KATNBL1: variants seen among roughly 807,000 people sequenced by gnomAD.
KATNBL1 encodes the protein katanin regulatory subunit B1 like 1, also known as KATNB1-like protein 1.
In KATNBL1, 28 loss-of-function variants were observed where a neutral mutation model predicts 44.7. That is an observed-to-expected ratio of 0.63 (90% CI 0.46 to 0.86). The LOEUF is 0.86. KATNBL1 is among the 40% of genes least tolerant of loss of function. The pLI, the probability that KATNBL1 is intolerant of heterozygous loss-of-function variation, is 0.00. For synonymous variants in KATNBL1, 78 were observed against 114.9 expected (o/e 0.68, Z 2.06); for missense variants, 272 against 350.7 (o/e 0.78, Z 1.79).
intron 1 of KATNBL1, among the ~76,000 whole-genome samples, chr15:34,179,915 T>A (rs927476544): frequency 1.3e-5 from 2 of 152,180 alleles, no homozygotes; most frequent in Admixed American, 6.5e-5. Context: ...ATCGTATAAC[T>A]CCCTTATAGT....
At chr15:34,173,146 C>T (rs1421712386) in intron 1 of KATNBL1, among the ~76,000 whole-genome samples, 2 of 150,102 alleles carry the variant, frequency 1.3e-5, no homozygotes, top group African/African-American at 2.4e-5. Context: ...TTAGAGGGAC[C>T]AACATCCAAA....
rs768437641 is a variant in KATNBL1, at chr15:34,148,739, G to A, written c.450C>T (p.Asp150=). The A allele has an allele frequency of 1.3e-6, 2 of 1,594,666 alleles. No individual in the cohort carries two copies. Among genetic ancestry groups the A allele is most frequent in the Non-Finnish European group, 1.7e-6 (2 of 1,162,540 alleles). ...YSGFFSEVSQ[D]HETMAQVLFS... ...ACAAAACTTGGGCCATTGTTTCATG[G>A]TCCTGAGAAACCTGAAAGGCAATAA... The change falls in exon 5 of 10, where the codon GAC becomes GAT. Residue 150 remains aspartate (D), a synonymous_variant. Transcript: ENST00000256544.
At chr15:34,167,566 C>A (rs1457830138) in intron 1 of KATNBL1, among the ~76,000 whole-genome samples, 1 of 152,102 alleles carries the variant, frequency 6.6e-6, no homozygotes, top group Non-Finnish European at 1.5e-5. Context: ...GCAAGGCAGG[C>A]CAACGTTCAA....
intron 1 of KATNBL1, among the ~76,000 whole-genome samples, chr15:34,206,514 G>A (rs12441003): frequency 0.54 from 82,112 of 152,114 alleles, 23,732 homozygotes; most frequent in East Asian, 0.71. Flanking sequence ...AAATTACGCC[G>A]GGCATGGTGG....
intron 1 of KATNBL1, among the ~76,000 whole-genome samples, chr15:34,207,933 T>A (rs751619685): frequency 3.3e-5 from 5 of 152,192 alleles, no homozygotes; most frequent in Admixed American, 2.0e-4. Flanking sequence ...ACATAAATCC[T>A]GCAATTGTTA....
chr15:34,170,402 G>C (rs1008499002), intron 1 of KATNBL1, among the ~76,000 whole-genome samples: 5 of 152,142 alleles, frequency 3.3e-5, no homozygotes, highest in African/African-American at 1.2e-4. Context: ...ACCTCTTCAA[G>C]GAGAACTACA....
At position 34,151,803 on chromosome 15, in the gene KATNBL1, A is replaced by G. The variant is rs370517179; in HGVS notation, c.438+987T>C. ...TTAGAATATTTCTATCACTCTCAAA[A>G]ACGCTTTTGAGTCTGTTAACCAGTT... On this transcript the variant is annotated intron_variant, in intron 4 of 9. Coordinates refer to ENST00000256544, the MANE Select transcript of KATNBL1 (RefSeq NM_024713.3). 3.5e-4 allele frequency among the ~76,000 whole-genome samples: 54 copies of G among 152,144 alleles called. 2 individuals carry two copies. In the South Asian group the frequency reaches 0.011, roughly 31 times the overall value.
chr15:34,147,452 CATT>C, intron 5 of KATNBL1, 22 bp from the exon 6 acceptor site: 1 of 1,597,734 alleles, frequency 6.3e-7, no homozygotes, highest in Non-Finnish European at 8.6e-7. Context: ...AAAAGAATAG[CATT>C]GCCTTAGAGA....
chr15:34,168,167 T>C (rs929688901), intron 1 of KATNBL1, among the ~76,000 whole-genome samples: 33 of 152,084 alleles, frequency 2.2e-4, no homozygotes, highest in Non-Finnish European at 4.4e-5. Context: ...AGTCAAGACC[T>C]ATCGGTGTGC....
intron 2 of KATNBL1, among the ~76,000 whole-genome samples, chr15:34,161,179 A>G (rs1436819084): frequency 6.6e-6 from 1 of 152,078 alleles, no homozygotes; most frequent in Non-Finnish European, 1.5e-5. Context: ...CCCGACCACC[A>G]AGGAAATACT....
chr15:34,143,583 G>A (rs1888215214), intron 9 of KATNBL1, among the ~76,000 whole-genome samples: 1 of 151,640 alleles, frequency 6.6e-6, no homozygotes, highest in African/African-American at 2.4e-5. Context: ...AATACGTCAT[G>A]TATGCTCTAA....
At chr15:34,163,765 C>T in intron 1 of KATNBL1, 75 bp from the exon 2 acceptor site, 1 of 786,874 alleles carries the variant, frequency 1.3e-6, no homozygotes, top group Non-Finnish European at 2.0e-6. Flanking sequence ...CACAAACATA[C>T]AACAGTAGCA....
chr15:34,209,214 T>G (rs554048075), intron 1 of KATNBL1: 1 of 152,234 alleles, frequency 6.6e-6, no homozygotes. Context: ...TTAGGTGGAC[T>G]AGTTTCTCAT....
At position 34,184,042 on chromosome 15, in the gene KATNBL1, G is replaced by A. The variant is rs533541572; in HGVS notation, c.-14-20352C>T. On this transcript the variant is annotated intron_variant, in intron 1 of 9. Transcript: ENST00000256544. ...AAAACTGCCGGGCGCAGTGGCTCACGCCTGTAATCCCAGCACTTTGGGAGG... is the reference window on the plus strand; with the variant it reads ...AAAACTGCCGGGCGCAGTGGCTCACACCTGTAATCCCAGCACTTTGGGAGG... Among the ~76,000 whole-genome samples the A allele has an allele frequency of 1.2e-4, 18 of 152,200 alleles. No individual in the cohort carries two copies. In the East Asian group the frequency reaches 3.3e-3, roughly 28 times the overall value.
chr15:34,156,650 T>C (rs929376821), intron 2 of KATNBL1, among the ~76,000 whole-genome samples: 1 of 152,086 alleles, frequency 6.6e-6, no homozygotes, highest in Non-Finnish European at 1.5e-5. Context: ...TAGGGGAAGG[T>C]GTAGGCGGTG....
chr15:34,143,629 T>G (rs1888216727), intron 9 of KATNBL1, among the ~76,000 whole-genome samples: 1 of 150,220 alleles, frequency 6.7e-6, no homozygotes, highest in Non-Finnish European at 1.5e-5. Flanking sequence ...TCTAGGAGAT[T>G]GATATGTTCA....
At chr15:34,181,496 ATAAT>A (rs923627964) in intron 1 of KATNBL1, among the ~76,000 whole-genome samples, 1 of 150,544 alleles carries the variant, frequency 6.6e-6, no homozygotes, top group African/African-American at 2.4e-5. Flanking sequence ...TTAAAAATTA[ATAAT>A]TAATTTTTTA....
intron 1 of KATNBL1, among the ~76,000 whole-genome samples, chr15:34,172,849 T>C (rs1205804585): frequency 6.6e-6 from 1 of 152,110 alleles, no homozygotes; most frequent in African/African-American, 2.4e-5. Context: ...AAGAACTGTA[T>C]GTCAACTAAG....
chr15:34,184,485 C>CAA (rs34736108), intron 1 of KATNBL1, among the ~76,000 whole-genome samples: 1 of 60,532 alleles, frequency 1.7e-5, no homozygotes, highest in Non-Finnish European at 3.4e-5. Flanking sequence ...GATTCCATCT[C>CAA]AAAAAAAAAA....
Sources: allele counts gnomAD v4.1 joint callset (sites outside exome capture counted in the v4.1 genomes callset), GRCh38; gene constraint gnomAD v4.1.1; transcripts MANE v1.5; gene names NCBI Gene and HGNC (gene_info 2026-07-23, HGNC 2026-07-21).